TPP2: variants seen among roughly 807,000 people sequenced by gnomAD.
TPP2 encodes tripeptidyl-peptidase 2.
Under a neutral mutation model 155.9 loss-of-function variants are expected in TPP2, and 34 were observed. That is an observed-to-expected ratio of 0.22 (90% CI 0.17 to 0.29). TPP2 has a LOEUF of 0.29. Ranked by LOEUF, TPP2 falls within the 10% of genes least tolerant of loss-of-function variation. TPP2 has a pLI of 1.00. For missense variants in TPP2, 1,028 were observed against 1,522.3 expected (o/e 0.68, Z 5.40); for synonymous variants, 510 against 529.4 (o/e 0.96, Z 0.50).
chr13:102,655,396 A>C (rs1307091503), intron 24 of TPP2, among the ~76,000 whole-genome samples: 1 of 152,172 alleles, frequency 6.6e-6, no homozygotes, highest in African/African-American at 2.4e-5. Context: ...AAACTTTGTT[A>C]ATTAAAATGA....
intron 3 of TPP2, 96 bp downstream of exon 3, chr13:102,614,292 A>G: frequency 8.8e-7 from 1 of 1,137,620 alleles, no homozygotes; most frequent in Admixed American, 2.7e-5. Flanking sequence ...ATTTCATAAA[A>G]TCTCATTAAC....
At chr13:102,603,838 T>A (rs1879612845) in intron 1 of TPP2, among the ~76,000 whole-genome samples, 1 of 151,324 alleles carries the variant, frequency 6.6e-6, no homozygotes, top group Non-Finnish European at 1.5e-5. Context: ...CCTGTATTAC[T>A]TTTGATGGGG....
At chr13:102,642,769 C>T (rs1471077417) in intron 16 of TPP2, among the ~76,000 whole-genome samples, 1 of 151,920 alleles carries the variant, frequency 6.6e-6, no homozygotes, top group Non-Finnish European at 1.5e-5. Context: ...CACAAGTAGA[C>T]CAAGAAGAGA....
chr13:102,616,482 C>T lies in TPP2; in HGVS notation c.477C>T (p.Ala159=). ...ACRKQEEFDV[A]NNGSSQANKL... ...GAAAACAGGAAGAATTTGATGTTGC[C>T]AACAACGGCTCTTCTCAAGTTGGTG... Residue 159 remains alanine, a synonymous_variant, in exon 4 of 30, where the codon GCC becomes GCT. Transcript: ENST00000376052. 1 of 1,610,914 alleles carries T rather than the reference C, an allele frequency of 6.2e-7. No homozygotes were observed. Among genetic ancestry groups the T allele is most frequent in the Non-Finnish European group, 8.5e-7 (1 of 1,178,356 alleles).
intron 1 of TPP2, among the ~76,000 whole-genome samples, chr13:102,601,900 G>T (rs1434654177): frequency 6.6e-6 from 1 of 152,150 alleles, no homozygotes; most frequent in African/African-American, 2.4e-5. Flanking sequence ...ATGAAAATTT[G>T]TGTGTGTAGG....
intron 2 of TPP2, among the ~76,000 whole-genome samples, chr13:102,611,932 G>A (rs1880359669): frequency 6.6e-6 from 1 of 152,112 alleles, no homozygotes; most frequent in South Asian, 2.1e-4. Context: ...CCTTCAAAAT[G>A]TGGTGAGCTT....
In TPP2 at chr13:102,645,865, G is replaced by A. The variant is rs1282132906; in HGVS notation, c.2394-429G>A. On this transcript the variant is annotated intron_variant, in intron 19 of 29. Coordinates refer to ENST00000376052, the MANE Select transcript of TPP2 (RefSeq NM_001330588.2). ...CCCTCGGCCAGGAGGAGGGCTGAGTGTGGCCCCTGCCATCTGGTGAGCAGC... is the reference window on the plus strand; with the variant it reads ...CCCTCGGCCAGGAGGAGGGCTGAGTATGGCCCCTGCCATCTGGTGAGCAGC... Among the ~76,000 whole-genome samples the A allele has an allele frequency of 3.3e-5, 5 of 152,366 alleles. No homozygotes were observed. In the East Asian group the frequency reaches 7.7e-4, roughly 24 times the overall value.
At chr13:102,603,644 T>C (rs1389382756) in intron 1 of TPP2, among the ~76,000 whole-genome samples, 1 of 152,216 alleles carries the variant, frequency 6.6e-6, no homozygotes, top group Non-Finnish European at 1.5e-5. Context: ...GCGAGGCTTT[T>C]TATGCGAGTA....
chr13:102,614,085 C>CTT lies in TPP2; in HGVS notation c.295-8_295-7dup. On this transcript the variant is annotated splice_polypyrimidine_tract_variant and intron_variant, in intron 2 of 29. Transcript: ENST00000376052. ...GCATTTAGTGAATGAACAGGTTACT[C>CTT]TTTTTTTTTCTGTAGATTCCTGCAA... 3 of 1,547,250 alleles carry CTT rather than the reference C, an allele frequency of 1.9e-6. No individual in the cohort carries two copies. The highest frequency in any genetic ancestry group is 2.7e-6 in the Non-Finnish European group (3 of 1,129,652).
chr13:102,649,609 TTA>T, intron 23 of TPP2, 123 bp downstream of exon 23: 1 of 765,414 alleles, frequency 1.3e-6, no homozygotes, highest in Non-Finnish European at 2.0e-6. Context: ...GGAAAAAAAT[TTA>T]ATCCTTTTTT....
chr13:102,625,228 G>A (rs1174796980), intron 6 of TPP2, among the ~76,000 whole-genome samples: 6 of 140,898 alleles, frequency 4.3e-5, no homozygotes, highest in Middle Eastern at 3.5e-3. Flanking sequence ...GCAGTGGCGC[G>A]ATCTCGGCTC....
At chr13:102,630,276 GT>G (rs1445625794) in intron 10 of TPP2, 81 bp downstream of exon 10, 3 of 1,019,740 alleles carry the variant, frequency 2.9e-6, no homozygotes, top group Non-Finnish European at 4.2e-6. Context: ...TTTTAGATAA[GT>G]TTGCTAGTTT....
chr13:102,634,150 T>G (rs373027295), intron 11 of TPP2, 52 bp downstream of exon 11: 1 of 1,605,606 alleles, frequency 6.2e-7, no homozygotes, highest in South Asian at 1.1e-5. Context: ...TATTTTTGTT[T>G]TCTGAAGCTC....
chr13:102,667,803 C>G (rs769054420), intron 27 of TPP2: 2 of 985,508 alleles, frequency 2.0e-6, no homozygotes, highest in Non-Finnish European at 2.4e-6. Flanking sequence ...TCTGGGCAGC[C>G]AGGATCCATC....
intron 7 of TPP2, 152 bp from the exon 8 acceptor site, chr13:102,627,696 T>G (rs960081228): frequency 3.8e-6 from 2 of 525,412 alleles, no homozygotes; most frequent in Non-Finnish European, 6.6e-6. Context: ...TGTGCTTATA[T>G]GTCCAGGTAT....
At position 102,618,860 on chromosome 13, in the gene TPP2, A is replaced by G. The variant is rs1485641470; in HGVS notation, c.620+14A>G. On this transcript the variant is annotated intron_variant, in intron 5 of 29. Coordinates refer to ENST00000376052, the MANE Select transcript of TPP2 (RefSeq NM_001330588.2). ...CGAAGTCTGGAGGTAAACTTCGTGT[A>G]TTTTATACATCTTCATTTACAAATG... 2.5e-6 allele frequency: 4 copies of G among 1,590,710 alleles called. No homozygotes were observed. Among genetic ancestry groups the G allele is most frequent in the Non-Finnish European group, 3.4e-6 (4 of 1,171,284 alleles).
chr13:102,675,206 C>G (rs980342392), intron 28 of TPP2, among the ~76,000 whole-genome samples: 1 of 152,018 alleles, frequency 6.6e-6, no homozygotes, highest in African/African-American at 2.4e-5. Flanking sequence ...AGTAAAGAAC[C>G]CTGGAAGTGG....
At chr13:102,667,363 T>C (rs946315440) in intron 27 of TPP2, among the ~76,000 whole-genome samples, 1 of 152,184 alleles carries the variant, frequency 6.6e-6, no homozygotes, top group African/African-American at 2.4e-5. Flanking sequence ...AAGGTCCTTA[T>C]TGAGCAAATA....
At chr13:102,615,297 G>C (rs538947043) in intron 3 of TPP2, among the ~76,000 whole-genome samples, 1 of 152,068 alleles carries the variant, frequency 6.6e-6, no homozygotes, top group Admixed American at 6.6e-5. Context: ...CTACAGGCAC[G>C]CACCACCACA....
Sources: allele counts gnomAD v4.1 joint callset (sites outside exome capture counted in the v4.1 genomes callset), GRCh38; gene constraint gnomAD v4.1.1; transcripts MANE v1.5; gene names NCBI Gene and HGNC (gene_info 2026-07-23, HGNC 2026-07-21).